Variants in NPAS3 observed in about 807,000 individuals in gnomAD.
NPAS3 encodes neuronal PAS domain-containing protein 3.
In NPAS3, 14 loss-of-function variants were observed where a neutral mutation model predicts 73.1. That is an observed-to-expected ratio of 0.19 (90% CI 0.13 to 0.30). NPAS3 has a LOEUF of 0.30. NPAS3 is among the 10% of genes least tolerant of loss of function. The probability of loss-of-function intolerance (pLI) is 1.00; values close to 1 mark genes in which losing one functional copy is unlikely to be tolerated. For missense variants in NPAS3, 1,096 were observed against 1,250.0 expected (o/e 0.88, Z 1.86); for synonymous variants, 620 against 541.5 (o/e 1.14, Z -2.01).
At chr14:33,048,311 C>T (rs1466475311) in intron 1 of NPAS3, among the ~76,000 whole-genome samples, 1 of 152,228 alleles carries the variant, frequency 6.6e-6, no homozygotes, top group Non-Finnish European at 1.5e-5. Context: ...GTGCTGGGGC[C>T]TACTTTCTGA....
At chr14:33,055,190 T>G (rs965313624) in intron 1 of NPAS3, among the ~76,000 whole-genome samples, 1 of 152,220 alleles carries the variant, frequency 6.6e-6, no homozygotes, top group Non-Finnish European at 1.5e-5. Context: ...AGCATTTTTA[T>G]GTCTATATAA....
In NPAS3 at chr14:33,544,164, A is replaced by T. The variant is rs114003560; in HGVS notation, c.469-15957A>T. Among the ~76,000 whole-genome samples, 604 of 151,936 alleles carry T rather than the reference A, an allele frequency of 4.0e-3. 6 individuals carry two copies. Among genetic ancestry groups the T allele is most frequent in the African/African-American group, 0.014 (581 of 41,498 alleles). ...GGGGTCTATTTATTTATATTTAGAG[A>T]CAGGGTCTCACTCTGTCACCCAGGC... On this transcript the variant is annotated intron_variant, in intron 4 of 11. Transcript: ENST00000356141.
chr14:33,108,157 G>T (rs1302804148), intron 2 of NPAS3, among the ~76,000 whole-genome samples: 1 of 151,494 alleles, frequency 6.6e-6, no homozygotes, highest in African/African-American at 2.4e-5. Flanking sequence ...AGAAATCCAG[G>T]CCTGCTAATA....
intron 2 of NPAS3, among the ~76,000 whole-genome samples, chr14:33,157,261 C>T (rs2044680768): frequency 6.6e-6 from 1 of 152,148 alleles, no homozygotes; most frequent in African/African-American, 2.4e-5. Context: ...ACATATTTTG[C>T]AGGTTACTTA....
intron 1 of NPAS3, among the ~76,000 whole-genome samples, chr14:33,003,517 G>A (rs1172121267): frequency 6.6e-6 from 1 of 152,192 alleles, no homozygotes; most frequent in African/African-American, 2.4e-5. Flanking sequence ...AATAGAGACA[G>A]TTTAAGATTT....
At chr14:33,663,593 T>C (rs2059370350) in intron 5 of NPAS3, among the ~76,000 whole-genome samples, 1 of 152,208 alleles carries the variant, frequency 6.6e-6, no homozygotes, top group African/African-American at 2.4e-5. Flanking sequence ...TCTCTTTCTA[T>C]TGTTTGGAAC....
rs141518136 is a variant in NPAS3, at chr14:33,596,983, G to A, written c.558+36773G>A. Among the ~76,000 whole-genome samples, 688 of 152,270 alleles carry A rather than the reference G, an allele frequency of 4.5e-3. 5 individuals are homozygous for A. The highest frequency in any genetic ancestry group is 0.016 in the African/African-American group (675 of 41,552). On this transcript the variant is annotated intron_variant, in intron 5 of 11. Transcript: ENST00000356141. ...CATCCTGTGATGAAGCCAGAGTTGC[G>A]CTGGTAGTGTGTTGTTCCCTCCAGA...
chr14:33,473,743 A>G (rs750033866), intron 4 of NPAS3, among the ~76,000 whole-genome samples: 40 of 152,356 alleles, frequency 2.6e-4, no homozygotes, highest in Middle Eastern at 6.8e-3. Context: ...AAAATTGTCT[A>G]GAAACAAAGT....
intron 2 of NPAS3, among the ~76,000 whole-genome samples, chr14:33,197,435 T>G (rs1438033969): frequency 6.6e-6 from 1 of 151,726 alleles, no homozygotes; most frequent in Non-Finnish European, 1.5e-5. Context: ...ACACTGCACA[T>G]AGACATCATG....
In NPAS3 at chr14:33,519,326, TC is replaced by T. The variant is rs541510392; in HGVS notation, c.469-40794del. On this transcript the variant is annotated intron_variant, in intron 4 of 11. Transcript: ENST00000356141. ...GCTTTGTCTGATTGTTTCCTACTCT[TC>T]TCGTGCCCAGCTTCCCCTCTGCTTC... 9.1e-4 allele frequency among the ~76,000 whole-genome samples: 138 copies of T among 152,224 alleles called. 1 individual carries two copies. Among genetic ancestry groups the T allele is most frequent in the Non-Finnish European group, 1.7e-3 (116 of 67,992 alleles).
chr14:33,781,267 T>G (rs992794445), intron 9 of NPAS3, among the ~76,000 whole-genome samples: 10 of 152,252 alleles, frequency 6.6e-5, no homozygotes, highest in African/African-American at 2.4e-4. Flanking sequence ...TTTTGCATTC[T>G]GTGACTGAAA....
At chr14:33,391,043 T>G (rs1043732501) in intron 4 of NPAS3, among the ~76,000 whole-genome samples, 1 of 152,170 alleles carries the variant, frequency 6.6e-6, no homozygotes, top group Non-Finnish European at 1.5e-5. Flanking sequence ...TGTATCCCTT[T>G]GAACTACTGA....
chr14:33,303,777 C>G (rs2042646364), intron 3 of NPAS3, among the ~76,000 whole-genome samples: 1 of 123,200 alleles, frequency 8.1e-6, no homozygotes, highest in Non-Finnish European at 1.7e-5. Context: ...TGGAGAATAG[C>G]AGTTATGCTG....
At chr14:33,072,067 T>G (rs887574557) in intron 2 of NPAS3, among the ~76,000 whole-genome samples, 1 of 152,116 alleles carries the variant, frequency 6.6e-6, no homozygotes, top group South Asian at 2.1e-4. Context: ...ATTTTTGTAC[T>G]TTTAGTAGAG....
Position 33,271,009 on chromosome 14 carries a change from G to T in NPAS3, c.385+55583G>T, listed in dbSNP as rs147112477. On this transcript the variant is annotated intron_variant, in intron 3 of 11. Transcript: ENST00000356141. Reference sequence around the variant, plus strand: ...GGATAAAAAGCATAGAAATTTATTTGATCATAATTTTAGATGACTATGGGA... The same window carrying T: ...GGATAAAAAGCATAGAAATTTATTTTATCATAATTTTAGATGACTATGGGA... Among the ~76,000 whole-genome samples, 4 of 152,304 alleles carry T rather than the reference G, an allele frequency of 2.6e-5. No individual in the cohort carries two copies. The East Asian group carries it at 5.8e-4, about 22-fold the overall frequency.
chr14:33,720,106 C>T (rs1324210577), intron 6 of NPAS3, among the ~76,000 whole-genome samples: 3 of 152,024 alleles, frequency 2.0e-5, no homozygotes, highest in Non-Finnish European at 4.4e-5. Context: ...AGAAAAAAAG[C>T]TTAGTTGTAA....
At chr14:33,742,171 T>C (rs1309914864) in intron 7 of NPAS3, among the ~76,000 whole-genome samples, 2 of 152,160 alleles carry the variant, frequency 1.3e-5, no homozygotes, top group Non-Finnish European at 2.9e-5. Context: ...GCACAGGTCA[T>C]TTTTCTTCAG....
chr14:33,560,068 C>A, intron 4 of NPAS3, 53 bp from the exon 5 acceptor site: 1 of 716,524 alleles, frequency 1.4e-6, no homozygotes, highest in Non-Finnish European at 2.4e-6. Flanking sequence ...CTAATTAAAT[C>A]TGCATCCTTT....
At chr14:33,367,330 CTT>C (rs960065917) in intron 4 of NPAS3, 62 bp downstream of exon 4, 4 of 738,852 alleles carry the variant, frequency 5.4e-6, no homozygotes. Context: ...TATGTTTAGT[CTT>C]TTTTTTAAAG....
Sources: gnomAD v4.1 joint callset for allele counts (sites outside exome capture counted in the v4.1 genomes callset) on GRCh38, gnomAD v4.1.1 for gene constraint, MANE v1.5 for transcripts, NCBI Gene and HGNC (gene_info 2026-07-23, HGNC 2026-07-21) for gene names.